Variants in LRRC53 observed in about 807,000 individuals in gnomAD.
The protein encoded by LRRC53 is leucine rich repeat containing 53.
In LRRC53, 25 loss-of-function variants were observed where a neutral mutation model predicts 13.6. The ratio of observed to expected loss-of-function variants is 1.83; its 90% confidence interval spans 1.34 to 2.56. The LOEUF (loss-of-function observed/expected upper bound fraction) is 2.56. Among genes scored for constraint, LRRC53 ranks in the 30% most tolerant of loss-of-function variants. The pLI is 0.00. For synonymous variants in LRRC53, 204 were observed against 109.8 expected (o/e 1.86, Z -5.37); for missense variants, 527 against 275.8 (o/e 1.91, Z -6.45).
chr1:74,507,291 G>A (rs560616264), intron 1 of LRRC53, among the ~76,000 whole-genome samples: 1 of 140,428 alleles, frequency 7.1e-6, no homozygotes, highest in South Asian at 2.3e-4. Flanking sequence ...CAATCCCAAT[G>A]TCTCCTCCTG....
At chr1:74,532,189 C>T in the LRRC53 span, among the ~76,000 whole-genome samples, 9 of 152,190 alleles carry the variant, frequency 5.9e-5, no homozygotes, top group East Asian at 5.8e-4. Context: ...AAGTTTAGTG[C>T]ATGTGTATCT....
At chr1:74,496,142 A>G (rs998056699) in intron 1 of LRRC53, among the ~76,000 whole-genome samples, 16 of 152,188 alleles carry the variant, frequency 1.1e-4, no homozygotes, top group Non-Finnish European at 1.5e-5. Flanking sequence ...TCCCCAGGTG[A>G]TTCCAATATA....
chr1:74,530,177 A>T, the LRRC53 span, among the ~76,000 whole-genome samples: 2 of 152,172 alleles, frequency 1.3e-5, no homozygotes, highest in Non-Finnish European at 2.9e-5. Flanking sequence ...GTCTATATCC[A>T]TCACACTCAT....
chr1:74,488,932 A>T (rs1668901533), intron 1 of LRRC53, among the ~76,000 whole-genome samples: 1 of 152,224 alleles, frequency 6.6e-6, no homozygotes, highest in South Asian at 2.1e-4. Context: ...AAAGCTAATT[A>T]AAGCTTTTCC....
At chr1:74,531,838 T>A in the LRRC53 span, among the ~76,000 whole-genome samples, 28 of 152,232 alleles carry the variant, frequency 1.8e-4, no homozygotes, top group African/African-American at 6.8e-4. Context: ...CTTGTGCTAA[T>A]ATTATCACAT....
At chr1:74,493,770 G>A (rs765356837) in intron 1 of LRRC53, among the ~76,000 whole-genome samples, 18 of 152,264 alleles carry the variant, frequency 1.2e-4, no homozygotes, top group Middle Eastern at 3.4e-3. Context: ...ACAGACAAAG[G>A]CTAGTAACTC....
the LRRC53 span, among the ~76,000 whole-genome samples, chr1:74,532,027 G>C: frequency 6.6e-6 from 1 of 152,302 alleles, no homozygotes; most frequent in East Asian, 1.9e-4. Flanking sequence ...GGAAGAAAAT[G>C]TTGCCTGAAG....
intron 1 of LRRC53, among the ~76,000 whole-genome samples, chr1:74,489,841 G>A (rs770005290): frequency 2.6e-5 from 4 of 152,046 alleles, no homozygotes; most frequent in Middle Eastern, 3.4e-3. Context: ...AATCGAGGGA[G>A]CTAAAACATG....
chr1:74,471,088 G>A lies in LRRC53; in HGVS notation c.2534C>T (p.Pro845Leu), dbSNP rs1283792016. 2.5e-6 allele frequency: 1 copy of A among 400,612 alleles called. No homozygotes were observed. Among genetic ancestry groups the A allele is most frequent in the East Asian group, 3.6e-5 (1 of 28,088 alleles). The allele number at this position is 400,612 out of a possible 1,614,324, so 24.8% of individuals were successfully genotyped here. ...TGAGTGCCTGTGCTCAGCATCAGTG[G>A]GTGTAGGTTGGGGCAATTTTGATGT... is the stretch of plus-strand genomic sequence containing the variant. ...GNTSKLPQPTPTDAEHRHSHS... is the reference protein window; with the variant it reads ...GNTSKLPQPTLTDAEHRHSHS... Residue 845 changes from proline to leucine, a missense_variant, in exon 5 of 5, where the codon CCC (proline) becomes CTC (leucine). Physicochemically the swap from Pro to Leu is moderately conservative, Grantham distance 98. Coordinates refer to ENST00000294635, the MANE Select transcript of LRRC53 (RefSeq NM_001382280.1).
At chr1:74,485,713 G>A (rs1668723692) in intron 1 of LRRC53, among the ~76,000 whole-genome samples, 1 of 152,192 alleles carries the variant, frequency 6.6e-6, no homozygotes, top group Non-Finnish European at 1.5e-5. Flanking sequence ...TCACAGAGTG[G>A]AAGTCAGGCA....
At chr1:74,501,795 G>A (rs968961440) in intron 1 of LRRC53, among the ~76,000 whole-genome samples, 4 of 152,136 alleles carry the variant, frequency 2.6e-5, no homozygotes, top group African/African-American at 9.6e-5. Context: ...CCAACTTGGA[G>A]TTTTTCATAG....
At chr1:74,479,312 T>C (rs1668360073) in intron 3 of LRRC53, among the ~76,000 whole-genome samples, 1 of 152,256 alleles carries the variant, frequency 6.6e-6, no homozygotes, top group South Asian at 2.1e-4. Context: ...TGTCATTTTA[T>C]ATTATTCATC....
chr1:74,475,199 T>G (rs1668132876), intron 4 of LRRC53, 96 bp downstream of exon 4: 1 of 598,982 alleles, frequency 1.7e-6, no homozygotes, highest in Admixed American at 3.0e-5. Context: ...ATAGTGATTT[T>G]TATAGTATTT....
At chr1:74,535,249 G>A in the LRRC53 span, among the ~76,000 whole-genome samples, 1 of 152,064 alleles carries the variant, frequency 6.6e-6, no homozygotes, top group African/African-American at 2.4e-5. Flanking sequence ...GGTCGAGGTG[G>A]GTGGATCAAC....
chr1:74,508,113 C>G (rs922509299), intron 1 of LRRC53, among the ~76,000 whole-genome samples: 6 of 152,188 alleles, frequency 3.9e-5, no homozygotes, highest in Admixed American at 3.3e-4. Flanking sequence ...AAAGGAGAGG[C>G]AGGCATGTGG....
chr1:74,490,572 G>T (rs922877999), intron 1 of LRRC53, among the ~76,000 whole-genome samples: 2 of 152,220 alleles, frequency 1.3e-5, no homozygotes, highest in African/African-American at 2.4e-5. Flanking sequence ...CAAGGGAGAA[G>T]ATGAATGGGC....
intron 1 of LRRC53, among the ~76,000 whole-genome samples, chr1:74,501,538 G>A (rs939575486): frequency 6.6e-6 from 1 of 152,030 alleles, no homozygotes; most frequent in African/African-American, 2.4e-5. Context: ...CCAGGCTAGA[G>A]TGCAGTGGCA....
chr1:74,521,925 G>C, the LRRC53 span, among the ~76,000 whole-genome samples: 1,210 of 152,264 alleles, frequency 7.9e-3, 19 homozygotes, highest in African/African-American at 0.027. Context: ...AAAGCCCAGA[G>C]TGATTCTGGG....
intron 1 of LRRC53, among the ~76,000 whole-genome samples, chr1:74,498,463 ATTCTC>A (rs1241310503): frequency 6.6e-6 from 1 of 152,180 alleles, no homozygotes; most frequent in African/African-American, 2.4e-5. Flanking sequence ...AAAAACAGAA[ATTCTC>A]TTCTTTTTTG....
Sources: allele counts gnomAD v4.1 joint callset (sites outside exome capture counted in the v4.1 genomes callset), GRCh38; gene constraint gnomAD v4.1.1; transcripts MANE v1.5; gene names NCBI Gene and HGNC (gene_info 2026-07-23, HGNC 2026-07-21).